The following CCDC91 variants were observed in gnomAD, a reference collection of about 807,000 sequenced individuals.
The protein encoded by CCDC91 is coiled-coil domain containing 91.
Under a neutral mutation model 63.2 loss-of-function variants are expected in CCDC91, and 48 were observed. The observed-to-expected ratio is 0.76, with a 90% CI of 0.60 to 0.97. The LOEUF is 0.97. Ranked by LOEUF, CCDC91 falls within the 50% of genes least tolerant of loss-of-function variation. The probability of loss-of-function intolerance (pLI) is 0.00; values close to 1 mark genes in which losing one functional copy is unlikely to be tolerated. For missense variants in CCDC91, 500 were observed against 494.6 expected, an observed-to-expected ratio of 1.01 and a Z score of -0.10; for synonymous variants, 167 against 165.8, an observed-to-expected ratio of 1.01 and a Z score of -0.06.
chr12:28,315,583 C>T (rs2137271327), intron 6 of CCDC91, among the ~76,000 whole-genome samples: 1 of 152,044 alleles, frequency 6.6e-6, no homozygotes, highest in South Asian at 2.1e-4. Flanking sequence ...TATTTGACTT[C>T]CTTAAATTTT....
intron 3 of CCDC91, among the ~76,000 whole-genome samples, chr12:28,299,600 A>G (rs1315490917): frequency 6.6e-6 from 1 of 151,522 alleles, no homozygotes; most frequent in Non-Finnish European, 1.5e-5. Context: ...CTGTATTAAA[A>G]CCTATATTCA....
intron 6 of CCDC91, among the ~76,000 whole-genome samples, chr12:28,345,142 G>T (rs1458294985): frequency 1.3e-5 from 2 of 152,102 alleles, no homozygotes; most frequent in South Asian, 4.2e-4. Context: ...GGTATCTGCT[G>T]CCCACTTTTC....
chr12:28,332,149 T>A (rs1941569582), intron 6 of CCDC91, among the ~76,000 whole-genome samples: 1 of 152,172 alleles, frequency 6.6e-6, no homozygotes, highest in South Asian at 2.1e-4. Flanking sequence ...ACATGTTTCA[T>A]AATTAAACTG....
chr12:28,477,430 T>G (rs536384567), intron 11 of CCDC91, among the ~76,000 whole-genome samples: 1 of 152,102 alleles, frequency 6.6e-6, no homozygotes, highest in South Asian at 2.1e-4. Flanking sequence ...CCCTTCATGC[T>G]AAAAACTCTC....
At chr12:28,476,160 CTAAA>C (rs1951076571) in intron 11 of CCDC91, among the ~76,000 whole-genome samples, 1 of 152,018 alleles carries the variant, frequency 6.6e-6, no homozygotes, top group Admixed American at 6.6e-5. Context: ...TGAAACTGTT[CTAAA>C]TATACATTCT....
At chr12:28,479,472 G>T (rs1249513519) in intron 11 of CCDC91, among the ~76,000 whole-genome samples, 1 of 152,086 alleles carries the variant, frequency 6.6e-6, no homozygotes, top group African/African-American at 2.4e-5. Context: ...TGTGGGGTAG[G>T]GGGAAGGGGG....
At chr12:28,330,714 A>C (rs369344160) in intron 6 of CCDC91, among the ~76,000 whole-genome samples, 1 of 152,190 alleles carries the variant, frequency 6.6e-6, no homozygotes, top group East Asian at 1.9e-4. Flanking sequence ...TTATTAAGCA[A>C]CATTGAGGTG....
chr12:28,390,373 T>A (rs1945856825), intron 7 of CCDC91, among the ~76,000 whole-genome samples: 1 of 151,966 alleles, frequency 6.6e-6, no homozygotes, highest in Admixed American at 6.6e-5. Flanking sequence ...ATTATTTTGG[T>A]TATGAGTAGT....
In CCDC91 at chr12:28,376,106, C is replaced by T. The variant is rs73263497; in HGVS notation, c.654+13591C>T. The stretch of plus-strand genomic sequence containing the variant: ...ATGTAGGTAGGGGCTAGACATTTGT[C>T]GAGTTTTTCTTTTTTAAAAAAAATT... On this transcript the variant is annotated intron_variant, in intron 7 of 12. Coordinates refer to ENST00000536442, the MANE Select transcript of CCDC91 (RefSeq NM_018318.5). Among the ~76,000 whole-genome samples the T allele has an allele frequency of 1.3e-3, 204 of 151,846 alleles. 1 individual carries two copies. Among genetic ancestry groups the T allele is most frequent in the African/African-American group, 4.7e-3 (195 of 41,504 alleles).
At chr12:28,529,584 T>C (rs1478661641) in intron 12 of CCDC91, among the ~76,000 whole-genome samples, 1 of 152,198 alleles carries the variant, frequency 6.6e-6, no homozygotes, top group Middle Eastern at 3.2e-3. Context: ...GATGAGTGCA[T>C]GCACTTGGTC....
At chr12:28,230,666 C>A (rs1944532575) in intron 1 of CCDC91, among the ~76,000 whole-genome samples, 1 of 151,952 alleles carries the variant, frequency 6.6e-6, no homozygotes, top group African/African-American at 2.4e-5. Flanking sequence ...GGTCTATCAC[C>A]CAGGCTGGAG....
chr12:28,531,477 A>G (rs779017975), intron 12 of CCDC91, among the ~76,000 whole-genome samples: 2 of 152,142 alleles, frequency 1.3e-5, no homozygotes, highest in Non-Finnish European at 2.9e-5. Context: ...GCTATCTATT[A>G]TTTAGTGATG....
intron 12 of CCDC91, among the ~76,000 whole-genome samples, chr12:28,489,268 A>T (rs543287527): frequency 1.3e-5 from 2 of 151,984 alleles, no homozygotes; most frequent in Non-Finnish European, 2.9e-5. Flanking sequence ...TAATTGCCAG[A>T]TAAGATATTA....
intron 3 of CCDC91, among the ~76,000 whole-genome samples, chr12:28,288,232 T>C (rs1432696920): frequency 6.6e-5 from 10 of 152,150 alleles, no homozygotes; most frequent in East Asian, 5.8e-4. Flanking sequence ...GGACTTCCAA[T>C]AGTATGTTGA....
chr12:28,538,996 G>T (rs11049705), intron 12 of CCDC91, among the ~76,000 whole-genome samples: 13,727 of 151,920 alleles, frequency 0.09, 1,911 homozygotes, highest in African/African-American at 0.3. Context: ...CTTTGTAGAT[G>T]CTGGATATTA....
At chr12:28,407,828 C>A (rs1947047586) in intron 8 of CCDC91, among the ~76,000 whole-genome samples, 1 of 151,840 alleles carries the variant, frequency 6.6e-6, no homozygotes. Flanking sequence ...TTATCTCTGA[C>A]TAGTTCATAT....
intron 11 of CCDC91, among the ~76,000 whole-genome samples, chr12:28,459,794 C>T (rs867133044): frequency 6.6e-6 from 1 of 152,078 alleles, no homozygotes; most frequent in Non-Finnish European, 1.5e-5. Flanking sequence ...ACTGGTCAAA[C>T]GGAAGCATTA....
intron 12 of CCDC91, among the ~76,000 whole-genome samples, chr12:28,538,401 T>C (rs549798542): frequency 5.3e-5 from 8 of 152,090 alleles, no homozygotes; most frequent in African/African-American, 1.2e-4. Context: ...ATGATGGTTT[T>C]CAGCTTCATC....
chr12:28,304,660 A>G (rs781198547), intron 3 of CCDC91: 1 of 1,279,174 alleles, frequency 7.8e-7, no homozygotes, highest in South Asian at 1.3e-5. Flanking sequence ...GCTGCCTTCC[A>G]GAGTTTATGG....
Sources: gnomAD v4.1 joint callset for allele counts (sites outside exome capture counted in the v4.1 genomes callset) on GRCh38, gnomAD v4.1.1 for gene constraint, MANE v1.5 for transcripts, NCBI Gene and HGNC (gene_info 2026-07-23, HGNC 2026-07-21) for gene names.